The following GABRA5 variants were observed in gnomAD, a reference collection of about 807,000 sequenced individuals.
GABRA5 encodes gamma-aminobutyric acid type A receptor subunit alpha5, also known as gamma-aminobutyric acid receptor subunit alpha-5.
A neutral mutation model predicts 47.3 loss-of-function variants in GABRA5; 18 were observed. The ratio of observed to expected loss-of-function variants is 0.38; its 90% CI spans 0.26 to 0.56. The LOEUF (loss-of-function observed/expected upper bound fraction) is 0.56. Ranked by LOEUF, GABRA5 falls within the 20% of genes least tolerant of loss-of-function variation. GABRA5 has a pLI of 0.71. For synonymous variants in GABRA5, 237 were observed against 229.3 expected (o/e 1.03, Z -0.30); for missense variants, 365 against 599.3 (o/e 0.61, Z 4.08).
upstream of GABRA5, chr15:26,866,754 A>G (rs866063415): frequency 6.6e-6 from 1 of 152,352 alleles, no homozygotes; most frequent in Admixed American, 6.5e-5. Flanking sequence ...AAGGGGTGCC[A>G]TGGAGCACCC....
chr15:26,947,904 G>A (rs966765911), intron 10 of GABRA5, 30 bp from the exon 11 acceptor site: 15 of 1,539,916 alleles, frequency 9.7e-6, no homozygotes, highest in Middle Eastern at 3.4e-4. Flanking sequence ...TGCAAATGGC[G>A]TGTCCTTACA....
At chr15:26,900,873 C>T (rs1235293009) in intron 6 of GABRA5, among the ~76,000 whole-genome samples, 1 of 152,162 alleles carries the variant, frequency 6.6e-6, no homozygotes, top group Non-Finnish European at 1.5e-5. Flanking sequence ...CCTCTCTCCC[C>T]TGAACCCCTG....
chr15:26,874,163 A>G (rs927370100), intron 3 of GABRA5, among the ~76,000 whole-genome samples: 2 of 152,198 alleles, frequency 1.3e-5, no homozygotes, highest in African/African-American at 4.8e-5. Flanking sequence ...GCTCATTTTA[A>G]TTAATGAGAA....
At position 26,937,214 on chromosome 15, in the gene GABRA5, G is replaced by A. The variant is rs186262515; in HGVS notation, c.610G>A (p.Val204Ile). ...YAYPNSEVVYVWTNGSTKSVV... is the reference protein window; with the variant it reads ...YAYPNSEVVYIWTNGSTKSVV... ...GTACCCTAATTCTGAAGTCGTTTAC[G>A]TCTGGACCAACGGCTCCACCAAGTC... The change falls in exon 8 of 11, where the codon GTC becomes ATC. Residue 204 changes from valine to isoleucine, a missense_variant. By Grantham distance (29) the Val-to-Ile change is conservative. Coordinates refer to ENST00000335625, the MANE Select transcript of GABRA5 (RefSeq NM_000810.4). 1,877 of 1,613,946 alleles carry A rather than the reference G, an allele frequency of 1.2e-3. 18 individuals carry two copies. The African/African-American group carries it at 0.022, about 19-fold the overall frequency.
At chr15:26,890,798 T>C (rs1051469187) in intron 6 of GABRA5, among the ~76,000 whole-genome samples, 15 of 152,290 alleles carry the variant, frequency 9.8e-5, no homozygotes, top group African/African-American at 2.9e-4. Context: ...CACTGGGCAC[T>C]CAGGAGGAAC....
chr15:26,891,579 A>C (rs1351066245), intron 6 of GABRA5, among the ~76,000 whole-genome samples: 1 of 152,162 alleles, frequency 6.6e-6, no homozygotes, highest in African/African-American at 2.4e-5. Flanking sequence ...GACTGACAGG[A>C]GGGCATTCTA....
chr15:26,930,006 CTTT>C (rs72082419), intron 7 of GABRA5, among the ~76,000 whole-genome samples: 165 of 113,360 alleles, frequency 1.5e-3, no homozygotes, highest in Middle Eastern at 4.6e-3. Flanking sequence ...TCTTCTTCTT[CTTT>C]TTTTTTTTTT....
intron 7 of GABRA5, among the ~76,000 whole-genome samples, chr15:26,926,476 C>T (rs1893964801): frequency 6.6e-6 from 1 of 152,006 alleles, no homozygotes; most frequent in Non-Finnish European, 1.5e-5. Flanking sequence ...TTAAGATATA[C>T]ATTTATTTGA....
intron 4 of GABRA5, among the ~76,000 whole-genome samples, chr15:26,882,419 C>T (rs1892751000): frequency 1.3e-5 from 2 of 152,136 alleles, no homozygotes; most frequent in South Asian, 2.1e-4. Context: ...GCCCACAGTG[C>T]GGCTGGAAGT....
At chr15:26,877,522 C>A (rs1006854002) in intron 3 of GABRA5, 1 of 306,774 alleles carries the variant, frequency 3.3e-6, no homozygotes, top group Non-Finnish European at 6.4e-6. Flanking sequence ...AAGTAATTTC[C>A]AGTCAAAATA....
At chr15:26,916,259 A>C (rs1381101238) in intron 7 of GABRA5, among the ~76,000 whole-genome samples, 1 of 152,118 alleles carries the variant, frequency 6.6e-6, no homozygotes, top group African/African-American at 2.4e-5. Context: ...CCAAGTATTA[A>C]TTTTTTTACA....
chr15:26,913,057 G>A (rs1403314428), intron 6 of GABRA5, among the ~76,000 whole-genome samples: 1 of 151,778 alleles, frequency 6.6e-6, no homozygotes, highest in Non-Finnish European at 1.5e-5. Flanking sequence ...GGTGTCAGGC[G>A]TCTATAATCC....
chr15:26,877,662 T>G (rs1892631190), intron 3 of GABRA5: 1 of 455,538 alleles, frequency 2.2e-6, no homozygotes, highest in South Asian at 1.6e-5. Flanking sequence ...GATTTTTTCT[T>G]CTCCAGAAAT....
intron 6 of GABRA5, 80 bp from the exon 7 acceptor site, chr15:26,914,723 G>T: frequency 9.3e-7 from 1 of 1,069,684 alleles, no homozygotes. Flanking sequence ...ACTTAATATG[G>T]CTTTCTGGGA....
At chr15:26,907,979 G>C (rs1233897713) in intron 6 of GABRA5, among the ~76,000 whole-genome samples, 2 of 152,148 alleles carry the variant, frequency 1.3e-5, no homozygotes, top group Non-Finnish European at 2.9e-5. Flanking sequence ...GAGCACAGTA[G>C]TACAGGGGAG....
chr15:26,944,116 C>T (rs934743062), intron 10 of GABRA5, among the ~76,000 whole-genome samples: 6 of 152,312 alleles, frequency 3.9e-5, no homozygotes, highest in East Asian at 1.9e-4. Flanking sequence ...TCAGAGCCAT[C>T]GGGGCGACCT....
chr15:26,871,043 G>T (rs886593393), intron 3 of GABRA5, among the ~76,000 whole-genome samples: 3 of 152,060 alleles, frequency 2.0e-5, no homozygotes, highest in African/African-American at 7.2e-5. Context: ...AAAATACAAA[G>T]ATTAGCCAGG....
At chr15:26,939,345 A>G in intron 8 of GABRA5, 1 of 765,280 alleles carries the variant, frequency 1.3e-6, no homozygotes, top group Non-Finnish European at 2.4e-6. Context: ...CGCCAATGAA[A>G]TGCCCCCGAT....
intron 7 of GABRA5, among the ~76,000 whole-genome samples, chr15:26,928,652 C>A (rs1433886657): frequency 1.3e-5 from 2 of 152,112 alleles, no homozygotes; most frequent in Non-Finnish European, 2.9e-5. Context: ...TGAGAAGGCA[C>A]CCAAGCAGAC....
Sources: gnomAD v4.1 joint callset for allele counts (sites outside exome capture counted in the v4.1 genomes callset) on GRCh38, gnomAD v4.1.1 for gene constraint, MANE v1.5 for transcripts, NCBI Gene and HGNC (gene_info 2026-07-23, HGNC 2026-07-21) for gene names.